The following PRKCB variants were observed in gnomAD, a reference collection of about 807,000 sequenced individuals.
The protein encoded by PRKCB is protein kinase C beta.
PRKCB carries 13 observed loss-of-function variants against 81.5 expected under a neutral mutation model. The ratio of observed to expected loss-of-function variants is 0.16; its 90% CI spans 0.10 to 0.25. PRKCB has a LOEUF of 0.25. Among genes scored for constraint, PRKCB ranks in the 10% least tolerant of loss-of-function variants. The pLI, the probability that PRKCB is intolerant of heterozygous loss-of-function variation, is 1.00. For synonymous variants in PRKCB, 335 were observed against 321.4 expected (o/e 1.04, Z -0.45); for missense variants, 509 against 875.7 (o/e 0.58, Z 5.29).
chr16:23,848,661 T>C (rs1192298049), intron 2 of PRKCB, among the ~76,000 whole-genome samples: 1 of 152,190 alleles, frequency 6.6e-6, no homozygotes, highest in African/African-American at 2.4e-5. Context: ...ATGCTGCACA[T>C]GGTGGTGAAG....
chr16:24,082,015 A>G (rs934161840), intron 5 of PRKCB, among the ~76,000 whole-genome samples: 2 of 152,226 alleles, frequency 1.3e-5, no homozygotes, highest in African/African-American at 4.8e-5. Flanking sequence ...ATAATGAGTG[A>G]GTTTAGCTGG....
intron 7 of PRKCB, among the ~76,000 whole-genome samples, chr16:24,111,890 A>G (rs1358900174): frequency 1.3e-5 from 2 of 152,202 alleles, no homozygotes; most frequent in African/African-American, 4.8e-5. Context: ...TGTGCTTATC[A>G]TTTTACATGC....
chr16:24,144,970 T>G (rs974864622), intron 9 of PRKCB, among the ~76,000 whole-genome samples: 5 of 152,138 alleles, frequency 3.3e-5, no homozygotes, highest in Non-Finnish European at 7.3e-5. Context: ...ATTAATATAA[T>G]GCCCGTGTGG....
At chr16:23,930,527 C>A (rs1422402609) in intron 2 of PRKCB, among the ~76,000 whole-genome samples, 2 of 151,488 alleles carry the variant, frequency 1.3e-5, no homozygotes, top group Non-Finnish European at 2.9e-5. Context: ...CATGTTCATG[C>A]CACCACACTT....
intron 3 of PRKCB, among the ~76,000 whole-genome samples, chr16:24,012,723 G>A (rs1056185504): frequency 2.6e-5 from 4 of 152,202 alleles, no homozygotes; most frequent in Admixed American, 6.5e-5. Context: ...CGTACCACAA[G>A]GCTGGTGCCC....
At chr16:23,878,690 G>C (rs899946936) in intron 2 of PRKCB, among the ~76,000 whole-genome samples, 2 of 152,220 alleles carry the variant, frequency 1.3e-5, no homozygotes, top group Non-Finnish European at 2.9e-5. Context: ...CTTGAGTATG[G>C]ATTTGGCGGT....
At chr16:23,933,005 G>A (rs1464577760) in intron 2 of PRKCB, among the ~76,000 whole-genome samples, 7 of 138,806 alleles carry the variant, frequency 5.0e-5, no homozygotes, top group African/African-American at 1.8e-4. Flanking sequence ...TCTGGGATTT[G>A]GAAGTGAGAA....
At chr16:23,838,854 G>A (rs562836764) in intron 2 of PRKCB, among the ~76,000 whole-genome samples, 1 of 152,330 alleles carries the variant, frequency 6.6e-6, no homozygotes, top group South Asian at 2.1e-4. Flanking sequence ...TGGATCCTCT[G>A]CACCACACCA....
At chr16:24,175,700 A>G (rs923817043) in intron 12 of PRKCB, among the ~76,000 whole-genome samples, 30 of 151,976 alleles carry the variant, frequency 2.0e-4, no homozygotes, top group African/African-American at 7.0e-4. Context: ...GGCTGGGCAC[A>G]GTAGCTAGCA....
chr16:24,183,803 C>T (rs559622935), intron 13 of PRKCB, among the ~76,000 whole-genome samples: 2 of 152,334 alleles, frequency 1.3e-5, no homozygotes, highest in East Asian at 3.9e-4. Flanking sequence ...CAGCCTTTAG[C>T]CTTTGCTGTA....
chr16:23,973,707 G>T (rs536417083), intron 2 of PRKCB, among the ~76,000 whole-genome samples: 49 of 150,300 alleles, frequency 3.3e-4, no homozygotes, highest in Non-Finnish European at 5.6e-4. Context: ...TTGAGACAGG[G>T]TCTCACTCTG....
At chr16:24,054,104 C>A (rs1965876253) in intron 5 of PRKCB, among the ~76,000 whole-genome samples, 2 of 152,152 alleles carry the variant, frequency 1.3e-5, no homozygotes, top group African/African-American at 4.8e-5. Context: ...TCCTGAGTAG[C>A]TGGGACTGCA....
chr16:23,873,254 C>T (rs1009777261), intron 2 of PRKCB, among the ~76,000 whole-genome samples: 2 of 150,106 alleles, frequency 1.3e-5, no homozygotes, highest in African/African-American at 4.9e-5. Flanking sequence ...CCTGTAATCC[C>T]AGCTACTTGG....
rs11305626 is a variant in PRKCB at position 24,160,190 on chromosome 16, G to GT, written c.1239+5354dup. Among the ~76,000 whole-genome samples, 733 of 115,258 alleles carry GT rather than the reference G, an allele frequency of 6.4e-3. 4 individuals are homozygous for GT. Among genetic ancestry groups the GT allele is most frequent in the Non-Finnish European group, 8.5e-3 (468 of 54,806 alleles). The allele number at this position is 115,258 out of a possible 152,430, so 75.6% of individuals were successfully genotyped here. On this transcript the variant is annotated intron_variant, in intron 10 of 16. Coordinates refer to ENST00000643927, the MANE Select transcript of PRKCB (RefSeq NM_002738.7). Reference sequence around the variant, plus strand: ...CAGGTTTTCTAATAGCCCTTTGGGTGTTTTTTTTTTTTTTTTTTTTTAATA... The same window carrying GT: ...CAGGTTTTCTAATAGCCCTTTGGGTGTTTTTTTTTTTTTTTTTTTTTTAATA...
At chr16:23,881,423 T>G (rs1416858471) in intron 2 of PRKCB, among the ~76,000 whole-genome samples, 1 of 152,100 alleles carries the variant, frequency 6.6e-6, no homozygotes, top group East Asian at 1.9e-4. Flanking sequence ...CAGCTAATTT[T>G]GTATTTTTAG....
At chr16:24,039,925 C>T (rs1246589634) in intron 5 of PRKCB, among the ~76,000 whole-genome samples, 1 of 152,164 alleles carries the variant, frequency 6.6e-6, no homozygotes. Flanking sequence ...GTGCGGGGTC[C>T]TTCCCAGCAG....
intron 2 of PRKCB, among the ~76,000 whole-genome samples, chr16:23,969,603 A>C (rs1262861257): frequency 6.6e-6 from 1 of 152,168 alleles, no homozygotes; most frequent in African/African-American, 2.4e-5. Context: ...CTACGTAAAG[A>C]GCTTAACACA....
intron 5 of PRKCB, among the ~76,000 whole-genome samples, chr16:24,051,350 GCCTGGTACCTGATA>G (rs1450425362): frequency 6.6e-6 from 1 of 152,186 alleles, no homozygotes; most frequent in African/African-American, 2.4e-5. Context: ...CTCTCTAGTT[GCCTGGTACCTGATA>G]CCTGGTGCTT....
At chr16:23,859,917 G>A (rs1040287073) in intron 2 of PRKCB, among the ~76,000 whole-genome samples, 1 of 151,960 alleles carries the variant, frequency 6.6e-6, no homozygotes, top group African/African-American at 2.4e-5. Flanking sequence ...GAGCGAGAGA[G>A]TTGTCAAGGA....
Sources: gnomAD v4.1 joint callset for allele counts (sites outside exome capture counted in the v4.1 genomes callset) on GRCh38, gnomAD v4.1.1 for gene constraint, MANE v1.5 for transcripts, NCBI Gene and HGNC (gene_info 2026-07-23, HGNC 2026-07-21) for gene names.